The following CEP83 variants were observed in gnomAD, a reference collection of about 807,000 sequenced individuals.
CEP83 encodes centrosomal protein of 83 kDa.
CEP83 carries 70 observed loss-of-function variants against 101.9 expected under a neutral mutation model. The ratio of observed to expected loss-of-function variants is 0.69; its 90% CI spans 0.57 to 0.84. The LOEUF (loss-of-function observed/expected upper bound fraction) is 0.84, where lower values mean the gene tolerates loss of function less well. CEP83 is among the 40% of genes least tolerant of loss of function. The pLI is 0.00. For synonymous variants in CEP83, 264 were observed against 267.9 expected, an observed-to-expected ratio of 0.99 and a Z score of 0.14; for missense variants, 715 against 787.2, an observed-to-expected ratio of 0.91 and a Z score of 1.10.
At chr12:94,450,353 G>A (rs1041495514) in intron 1 of CEP83, among the ~76,000 whole-genome samples, 1 of 152,128 alleles carries the variant, frequency 6.6e-6, no homozygotes, top group Non-Finnish European at 1.5e-5. Context: ...CCGGGTTCAC[G>A]CCATTCTCCT....
chr12:94,442,561 GTTTC>G (rs1162874733), intron 1 of CEP83, among the ~76,000 whole-genome samples: 1 of 152,014 alleles, frequency 6.6e-6, no homozygotes, highest in South Asian at 2.1e-4. Flanking sequence ...AGGTTTCCCT[GTTTC>G]TTTCAGTCTT....
At position 94,307,708 on chromosome 12, in the gene CEP83, A is replaced by G. The variant is rs749077797; in HGVS notation, c.*1105T>C. 1 of 150,250 alleles carries G rather than the reference A, an allele frequency of 6.7e-6. No homozygotes were observed. The highest frequency in any genetic ancestry group is 1.5e-5 in the Non-Finnish European group (1 of 67,668). 9.3% of individuals were successfully genotyped at this position (150,250 alleles called of 1,614,324 possible). A position where few individuals can be genotyped will look rare whatever the true frequency, so the allele number is the denominator to read the frequency against. ...TTTTTTTTTTTTCAATTTTCTAGTTATAATAGTTTTTTTATTCTAAGTGGC... is the reference window on the plus strand; with the variant it reads ...TTTTTTTTTTTTCAATTTTCTAGTTGTAATAGTTTTTTTATTCTAAGTGGC... On this transcript the variant is annotated 3_prime_UTR_variant, in exon 17 of 17. Coordinates refer to ENST00000397809, the MANE Select transcript of CEP83 (RefSeq NM_016122.3).
intron 14 of CEP83, among the ~76,000 whole-genome samples, chr12:94,314,745 G>T (rs1970401751): frequency 6.6e-6 from 1 of 152,104 alleles, no homozygotes; most frequent in African/African-American, 2.4e-5. Context: ...GTCTACCCTG[G>T]CAAAGGAACC....
At chr12:94,352,995 T>G (rs1033416582) in intron 11 of CEP83, among the ~76,000 whole-genome samples, 2 of 151,812 alleles carry the variant, frequency 1.3e-5, no homozygotes, top group Non-Finnish European at 2.9e-5. Context: ...TCCAAAAAGC[T>G]CAAAGACCCC....
chr12:94,293,819 C>T, the CEP83 span, among the ~76,000 whole-genome samples: 2 of 152,108 alleles, frequency 1.3e-5, no homozygotes, highest in Non-Finnish European at 2.9e-5. Context: ...AGGGATCTCC[C>T]TATGTTGCCC....
rs182690723 is a variant in CEP83, at chr12:94,319,460, T to C, written c.1708-6443A>G. Among the ~76,000 whole-genome samples, 389 of 152,318 alleles carry C rather than the reference T, an allele frequency of 2.6e-3. 2 individuals are homozygous for C. The highest frequency in any genetic ancestry group is 9.1e-3 in the African/African-American group (378 of 41,574). ...CTTGGTCCTCTCATTGTTTTAGTTG[T>C]GCTGCTAGGTTGCTGATATCTTTTT... On this transcript the variant is annotated intron_variant, in intron 14 of 16. Coordinates refer to ENST00000397809, the MANE Select transcript of CEP83 (RefSeq NM_016122.3).
chr12:94,270,603 C>G, the CEP83 span, among the ~76,000 whole-genome samples: 1 of 152,076 alleles, frequency 6.6e-6, no homozygotes, highest in African/African-American at 2.4e-5. Context: ...CACCCCCAAC[C>G]CTGCACCCGC....
chr12:94,380,965 A>C (rs1006017360), intron 6 of CEP83, among the ~76,000 whole-genome samples: 5 of 152,082 alleles, frequency 3.3e-5, no homozygotes, highest in Non-Finnish European at 7.4e-5. Context: ...CATGTTTATA[A>C]CTCCTAAACC....
chr12:94,300,630 G>A, the CEP83 span, among the ~76,000 whole-genome samples: 1 of 152,170 alleles, frequency 6.6e-6, no homozygotes, highest in Non-Finnish European at 1.5e-5. Flanking sequence ...AAATAATCCA[G>A]GTGAGAGAGA....
chr12:94,287,276 T>G, the CEP83 span, among the ~76,000 whole-genome samples: 3 of 152,228 alleles, frequency 2.0e-5, no homozygotes, highest in Admixed American at 6.5e-5. Context: ...GTGCGCTTCC[T>G]TAACTGGATG....
At chr12:94,279,393 T>C in the CEP83 span, 5 of 1,285,704 alleles carry the variant, frequency 3.9e-6, no homozygotes, top group African/African-American at 1.5e-5. Flanking sequence ...TGGGACTTGC[T>C]AAGGTTTGTG....
intron 11 of CEP83, among the ~76,000 whole-genome samples, chr12:94,339,193 C>T (rs1313630832): frequency 6.6e-6 from 1 of 151,928 alleles, no homozygotes; most frequent in Non-Finnish European, 1.5e-5. Context: ...CTTGAACTCC[C>T]GACCTCAGGT....
At chr12:94,392,992 C>T (rs1487075511) in intron 6 of CEP83, among the ~76,000 whole-genome samples, 2 of 152,006 alleles carry the variant, frequency 1.3e-5, no homozygotes, top group Admixed American at 6.6e-5. Flanking sequence ...TAATAGCCTA[C>T]CAACCAAAAA....
At position 94,453,166 on chromosome 12, in the gene CEP83, C is replaced by T. The variant is rs775430815; in HGVS notation, c.-155+6391G>A. On this transcript the variant is annotated intron_variant, in intron 1 of 16. Transcript: ENST00000397809. ...CTACTCTGGTTTTCCTACCTTCTTT[C>T]TCCCCCTTCCTATTACATGCTGGTG... Among the ~76,000 whole-genome samples, 61 of 152,124 alleles carry T rather than the reference C, an allele frequency of 4.0e-4. 1 individual carries two copies. Among genetic ancestry groups the T allele is most frequent in the Non-Finnish European group, 3.1e-4 (21 of 68,016 alleles).
chr12:94,274,861 G>T, the CEP83 span, among the ~76,000 whole-genome samples: 4 of 152,182 alleles, frequency 2.6e-5, no homozygotes, highest in African/African-American at 7.2e-5. Flanking sequence ...ATGAGTAAAA[G>T]AATCTACCTC....
At chr12:94,305,342 T>C, downstream of CEP83, 1 of 999,420 alleles carries the variant, frequency 1.0e-6, no homozygotes, top group Admixed American at 2.0e-5. Context: ...GGGAGCAAAA[T>C]GGCTGCTTGA....
chr12:94,372,618 T>C (rs1443629948), intron 8 of CEP83, among the ~76,000 whole-genome samples: 2 of 152,158 alleles, frequency 1.3e-5, no homozygotes, highest in African/African-American at 4.8e-5. Flanking sequence ...AGGAAGTTGA[T>C]TCATCTCATG....
the CEP83 span, among the ~76,000 whole-genome samples, chr12:94,289,392 T>A: frequency 6.6e-6 from 1 of 152,194 alleles, no homozygotes; most frequent in Non-Finnish European, 1.5e-5. Flanking sequence ...TAGAACCCTG[T>A]GAGACTGGAA....
At chr12:94,381,459 T>G (rs1480726503) in intron 6 of CEP83, among the ~76,000 whole-genome samples, 1 of 152,186 alleles carries the variant, frequency 6.6e-6, no homozygotes, top group African/African-American at 2.4e-5. Flanking sequence ...TTTAAAAAGT[T>G]ATTGAAGTAA....
Sources: allele counts gnomAD v4.1 joint callset (sites outside exome capture counted in the v4.1 genomes callset), GRCh38; gene constraint gnomAD v4.1.1; transcripts MANE v1.5; gene names NCBI Gene and HGNC (gene_info 2026-07-23, HGNC 2026-07-21).